Variants in PHIP observed in about 807,000 individuals in gnomAD.
PHIP encodes PHIP subunit of CUL4-Ring ligase complex, also known as PH-interacting protein.
Under a neutral mutation model 236.8 loss-of-function variants are expected in PHIP, and 54 were observed. The observed-to-expected ratio is 0.23, with a 90% CI of 0.18 to 0.29. The LOEUF (loss-of-function observed/expected upper bound fraction) is 0.29. Ranked by LOEUF, PHIP falls within the 10% of genes least tolerant of loss-of-function variation. The probability of loss-of-function intolerance (pLI) is 1.00; values close to 1 mark genes in which losing one functional copy is unlikely to be tolerated. For synonymous variants in PHIP, 756 were observed against 718.9 expected (o/e 1.05, Z -0.83); for missense variants, 1,370 against 2,190.8 (o/e 0.63, Z 7.48).
chr6:78,964,399 T>C (rs769241935), intron 29 of PHIP, among the ~76,000 whole-genome samples: 18 of 152,212 alleles, frequency 1.2e-4, no homozygotes, highest in Non-Finnish European at 1.8e-4. Context: ...AGCAACTCAA[T>C]TAATAAAAGA....
At chr6:79,048,174 C>G (rs1772597444) in intron 6 of PHIP, among the ~76,000 whole-genome samples, 1 of 151,912 alleles carries the variant, frequency 6.6e-6, no homozygotes, top group African/African-American at 2.4e-5. Context: ...TGAAAATAAA[C>G]AGAAAGTTAC....
chr6:78,935,798 G>A lies in PHIP; in HGVS notation c.*4895C>T. 2.1e-6 allele frequency: 2 copies of A among 960,260 alleles called. No homozygotes were observed. Among genetic ancestry groups the A allele is most frequent in the Non-Finnish European group, 2.5e-6 (2 of 807,046 alleles). The allele number at this position is 960,260 out of a possible 1,614,324, so 59.5% of individuals were successfully genotyped here. On this transcript the variant is annotated 3_prime_UTR_variant, in exon 40 of 40. Coordinates refer to ENST00000275034, the MANE Select transcript of PHIP (RefSeq NM_017934.7). ...TTGGTAAGCAGCTTGTTGAGATTAT[G>A]TACTAAGTGCTTTATGTGATGCCAA...
chr6:78,985,651 G>A (rs1768818258), intron 21 of PHIP, among the ~76,000 whole-genome samples: 1 of 152,084 alleles, frequency 6.6e-6, no homozygotes, highest in African/African-American at 2.4e-5. Flanking sequence ...GACCAGCCTG[G>A]CCAACGTGGC....
Position 78,969,739 on chromosome 6 carries a change from C to T in PHIP, c.3205+96G>A, listed in dbSNP as rs535386268. ...TCCTACAAATAGCAAAAAGATTTCT[C>T]TGATAATCTTTTTCTCAATTATGAA... On this transcript the variant is annotated intron_variant, in intron 27 of 39. Coordinates refer to ENST00000275034, the MANE Select transcript of PHIP (RefSeq NM_017934.7). 149 of 576,018 alleles carry T rather than the reference C, an allele frequency of 2.6e-4. 1 individual carries two copies. The South Asian group carries it at 4.2e-3, about 16-fold the overall frequency. 35.7% of individuals were successfully genotyped at this position (576,018 alleles called of 1,614,324 possible). A position where few individuals can be genotyped will look rare whatever the true frequency, so the allele number is the denominator to read the frequency against.
At chr6:79,028,552 C>T (rs767016597) in intron 7 of PHIP, among the ~76,000 whole-genome samples, 3 of 152,142 alleles carry the variant, frequency 2.0e-5, no homozygotes, top group Non-Finnish European at 2.9e-5. Context: ...ATACGCACAT[C>T]GGAAACACAT....
intron 14 of PHIP, among the ~76,000 whole-genome samples, 180 bp downstream of exon 14, chr6:79,015,446 CTATA>C (rs1770790505): frequency 6.6e-6 from 1 of 151,674 alleles, no homozygotes; most frequent in Non-Finnish European, 1.5e-5. Flanking sequence ...CAAATATCTA[CTATA>C]TATTTCCAAG....
chr6:79,058,812 T>A (rs978255632), intron 6 of PHIP, among the ~76,000 whole-genome samples: 4 of 152,112 alleles, frequency 2.6e-5, no homozygotes, highest in Non-Finnish European at 1.5e-5. Flanking sequence ...GACAATGTAC[T>A]GAAAGAACAA....
intron 2 of PHIP, 29 bp downstream of exon 2, chr6:79,077,826 G>A (rs1355133134): frequency 3.7e-6 from 5 of 1,355,586 alleles, no homozygotes; most frequent in East Asian, 6.6e-5. Flanking sequence ...GGCGAGCGCC[G>A]GCCCGGCCCG....
intron 6 of PHIP, among the ~76,000 whole-genome samples, chr6:79,052,524 T>C (rs918390347): frequency 2.0e-5 from 3 of 152,132 alleles, no homozygotes; most frequent in African/African-American, 7.2e-5. Context: ...AATGGAGTAA[T>C]ATACATAGTA....
At chr6:78,986,689 T>G (rs1768887506) in intron 21 of PHIP, among the ~76,000 whole-genome samples, 1 of 152,174 alleles carries the variant, frequency 6.6e-6, no homozygotes, top group African/African-American at 2.4e-5. Context: ...GGTGGATTCT[T>G]TTAATATTTA....
At chr6:78,962,585 T>G (rs1766855769) in intron 30 of PHIP, among the ~76,000 whole-genome samples, 1 of 152,160 alleles carries the variant, frequency 6.6e-6, no homozygotes, top group Admixed American at 6.5e-5. Context: ...AACCACCACA[T>G]AATCTAGTTA....
intron 31 of PHIP, among the ~76,000 whole-genome samples, chr6:78,960,032 C>G (rs990568407): frequency 6.6e-6 from 1 of 152,100 alleles, no homozygotes; most frequent in African/African-American, 2.4e-5. Context: ...ACGTGGCTGA[C>G]TGGGAGCTAC....
intron 7 of PHIP, among the ~76,000 whole-genome samples, chr6:79,033,507 T>C (rs1771772267): frequency 6.6e-6 from 1 of 152,216 alleles, no homozygotes; most frequent in Admixed American, 6.5e-5. Flanking sequence ...GTTATGGAGA[T>C]GGCTTTTTTC....
In PHIP at chr6:78,935,307, T is replaced by C. The variant is rs1159404687; in HGVS notation, c.*5386A>G. On this transcript the variant is annotated 3_prime_UTR_variant, in exon 40 of 40. Transcript: ENST00000275034. ...TAACACAAAATTACAAATCACTCCATGTGCTTAATTTGAAATGTTATGGCC... is the reference window on the plus strand; with the variant it reads ...TAACACAAAATTACAAATCACTCCACGTGCTTAATTTGAAATGTTATGGCC... 6.6e-6 allele frequency among the ~76,000 whole-genome samples: 1 copy of C among 152,196 alleles called. No homozygotes were observed. The highest frequency in any genetic ancestry group is 1.5e-5 in the Non-Finnish European group (1 of 68,022).
chr6:78,971,764 G>A (rs1340817045), intron 24 of PHIP, among the ~76,000 whole-genome samples: 2 of 152,204 alleles, frequency 1.3e-5, no homozygotes, highest in Non-Finnish European at 2.9e-5. Flanking sequence ...AGAAAGGGGT[G>A]ACGGACGGCA....
At chr6:79,075,369 C>G (rs1476819904) in intron 4 of PHIP, among the ~76,000 whole-genome samples, 1 of 152,016 alleles carries the variant, frequency 6.6e-6, no homozygotes, top group Non-Finnish European at 1.5e-5. Context: ...CAAAGAACTC[C>G]AAGTTCTAAT....
intron 17 of PHIP, among the ~76,000 whole-genome samples, chr6:78,999,993 A>G (rs889979772): frequency 1.3e-5 from 2 of 152,072 alleles, no homozygotes; most frequent in African/African-American, 4.8e-5. Context: ...AAACACATTT[A>G]AAGTATGTTG....
chr6:78,971,926 TGCAA>T (rs1434851206), intron 24 of PHIP, among the ~76,000 whole-genome samples: 2 of 152,116 alleles, frequency 1.3e-5, no homozygotes, highest in African/African-American at 4.8e-5. Context: ...GAGGTCAAAC[TGCAA>T]GGCGGCAGCG....
chr6:78,945,054 A>G (rs1188355653), intron 39 of PHIP, among the ~76,000 whole-genome samples: 1 of 151,676 alleles, frequency 6.6e-6, no homozygotes, highest in African/African-American at 2.4e-5. Context: ...ACTATACCCT[A>G]TTTAATTTAA....
Sources: allele counts gnomAD v4.1 joint callset (sites outside exome capture counted in the v4.1 genomes callset), GRCh38; gene constraint gnomAD v4.1.1; transcripts MANE v1.5; gene names NCBI Gene and HGNC (gene_info 2026-07-23, HGNC 2026-07-21).